The following LAMA3 variants were observed in gnomAD, a reference collection of about 807,000 sequenced individuals.
The protein encoded by LAMA3 is laminin subunit alpha 3.
Under a neutral mutation model 402.0 loss-of-function variants are expected in LAMA3, and 281 were observed. That is an observed-to-expected ratio of 0.70 (90% CI 0.63 to 0.77). LAMA3 has a LOEUF of 0.77. Ranked by LOEUF, LAMA3 falls within the 30% of genes least tolerant of loss-of-function variation. The pLI is 0.00. For synonymous variants in LAMA3, 1,431 were observed against 1,558.4 expected, an observed-to-expected ratio of 0.92 and a Z score of 1.93; for missense variants, 3,840 against 4,215.5, an observed-to-expected ratio of 0.91 and a Z score of 2.47.
chr18:23,900,105 C>G (rs761887982), intron 47 of LAMA3, among the ~76,000 whole-genome samples: 3 of 152,008 alleles, frequency 2.0e-5, no homozygotes, highest in African/African-American at 4.8e-5. Context: ...GAGTCTCACT[C>G]CATTACTCAG....
chr18:23,943,134 T>A (rs1388416048), intron 68 of LAMA3, among the ~76,000 whole-genome samples: 1 of 152,228 alleles, frequency 6.6e-6, no homozygotes, highest in East Asian at 1.9e-4. Flanking sequence ...CAAAACAGAA[T>A]GCATATTCAT....
At chr18:23,917,242 T>G (rs1217403657) in intron 60 of LAMA3, among the ~76,000 whole-genome samples, 1 of 152,244 alleles carries the variant, frequency 6.6e-6, no homozygotes, top group African/African-American at 2.4e-5. Context: ...GGTGTATATG[T>G]ACCTCATTTT....
At chr18:23,763,625 AAG>A in intron 8 of LAMA3, 102 bp downstream of exon 8, 1 of 813,012 alleles carries the variant, frequency 1.2e-6, no homozygotes, top group Non-Finnish European at 2.2e-6. Context: ...AGGCAATCGT[AAG>A]AGTTTTCTGA....
chr18:23,745,017 G>A (rs948338381), intron 2 of LAMA3, among the ~76,000 whole-genome samples: 1 of 151,994 alleles, frequency 6.6e-6, no homozygotes, highest in African/African-American at 2.4e-5. Flanking sequence ...TATGGACAAT[G>A]TATTAAATAC....
chr18:23,743,653 C>G (rs1201837901), intron 2 of LAMA3, among the ~76,000 whole-genome samples: 1 of 152,188 alleles, frequency 6.6e-6, no homozygotes, highest in African/African-American at 2.4e-5. Flanking sequence ...GTTGAAGTGC[C>G]TCACACTCCC....
intron 1 of LAMA3, among the ~76,000 whole-genome samples, chr18:23,695,000 C>T (rs549040498): frequency 6.6e-6 from 1 of 152,100 alleles, no homozygotes; most frequent in African/African-American, 2.4e-5. Flanking sequence ...AGAGCAACAC[C>T]CTGATGGAAT....
In LAMA3 at chr18:23,689,773, A is replaced by G; in HGVS notation, c.90A>G (p.Pro30=). 1 of 1,529,242 alleles carries G rather than the reference A, an allele frequency of 6.5e-7. No homozygotes were observed. Among genetic ancestry groups the G allele is most frequent in the Non-Finnish European group, 8.8e-7 (1 of 1,139,882 alleles). The allele number at this position is 1,529,242 out of a possible 1,614,324, so 94.7% of individuals were successfully genotyped here. Residue 30 remains proline, a synonymous_variant, in exon 1 of 75, where the codon CCA becomes CCG. Coordinates refer to ENST00000313654, the MANE Select transcript of LAMA3 (RefSeq NM_198129.4). ...TCCTGCTGGTACTGCGGGTGCTGCC[A>G]GCCTGCGGGGCGACCGCTCGGGATC... The part of the protein sequence containing the change: ...PLLLLVLRVL[P]ACGATARDPG...
intron 11 of LAMA3, among the ~76,000 whole-genome samples, chr18:23,780,012 G>A (rs2062403744): frequency 6.6e-6 from 1 of 152,180 alleles, no homozygotes; most frequent in East Asian, 1.9e-4. Flanking sequence ...AGACCTGCCC[G>A]CTAAGACTCA....
At chr18:23,844,105 T>C (rs139732504) in intron 29 of LAMA3, among the ~76,000 whole-genome samples, 6 of 152,368 alleles carry the variant, frequency 3.9e-5, no homozygotes, top group Non-Finnish European at 7.4e-5. Context: ...GCATCCCTTG[T>C]GCCTGGAATA....
chr18:23,775,255 G>A (rs1379186476), intron 9 of LAMA3, among the ~76,000 whole-genome samples: 6 of 152,164 alleles, frequency 3.9e-5, no homozygotes, highest in African/African-American at 9.7e-5. Flanking sequence ...CCCGATAATC[G>A]TTTTTGGTTG....
rs1455281005 is a variant in LAMA3, at chr18:23,826,837, G to A, written c.2669+38G>A. On this transcript the variant is annotated intron_variant, in intron 22 of 74. Coordinates refer to ENST00000313654, the MANE Select transcript of LAMA3 (RefSeq NM_198129.4). ...CAGAAGGTGCAGCCGCATCATTGGG[G>A]TCCTCTAAATTAGGAGCCTTTAATG... The A allele has an allele frequency of 6.9e-6, 9 of 1,303,518 alleles. No homozygotes were observed. The Admixed American group carries it at 1.6e-4, about 23-fold the overall frequency. The allele number at this position is 1,303,518 out of a possible 1,614,324, so 80.7% of individuals were successfully genotyped here. A position where few individuals can be genotyped will look rare whatever the true frequency, so the allele number is the denominator to read the frequency against.
Position 23,920,948 on chromosome 18 carries a change from C to A in LAMA3, c.7937C>A (p.Ser2646Tyr). The change falls in exon 61 of 75, where the codon TCT (serine) becomes TAT (tyrosine). Residue 2646 changes from serine to tyrosine, a missense_variant. Transcript: ENST00000313654. ...CCTCTGTCCTAGGATCGCTTCATAT[C>A]TCTAAATATAGAAGATGGCAAGCTC... ...FFAENGDRFI[S>Y]LNIEDGKLMV... The A allele has an allele frequency of 6.2e-7, 1 of 1,613,992 alleles. No homozygotes were observed. The highest frequency in any genetic ancestry group is 8.5e-7 in the Non-Finnish European group (1 of 1,179,988).
Position 23,929,998 on chromosome 18 carries a change from G to A in LAMA3, c.8437-1064G>A, listed in dbSNP as rs537281636. On this transcript the variant is annotated intron_variant, in intron 64 of 74. Transcript: ENST00000313654. ...GTTAGCTAAAGATACATATAAGTTAGCATTAGTTTATGCAATTCATAATGA... is the reference window on the plus strand; with the variant it reads ...GTTAGCTAAAGATACATATAAGTTAACATTAGTTTATGCAATTCATAATGA... 2.0e-5 allele frequency among the ~76,000 whole-genome samples: 3 copies of A among 152,198 alleles called. No individual in the cohort carries two copies. In the South Asian group the frequency reaches 6.2e-4, roughly 32 times the overall value.
intron 2 of LAMA3, among the ~76,000 whole-genome samples, chr18:23,731,172 A>C (rs1457429524): frequency 6.6e-6 from 1 of 152,136 alleles, no homozygotes; most frequent in African/African-American, 2.4e-5. Context: ...AGACCTCATG[A>C]GCTATTGTAC....
intron 19 of LAMA3, among the ~76,000 whole-genome samples, chr18:23,821,214 G>A (rs1222360105): frequency 6.6e-6 from 1 of 152,180 alleles, no homozygotes; most frequent in African/African-American, 2.4e-5. Flanking sequence ...GGACCTTGAT[G>A]GTGTCCCCAG....
chr18:23,950,798 T>C (rs1056836134), intron 72 of LAMA3, among the ~76,000 whole-genome samples: 8 of 152,212 alleles, frequency 5.3e-5, no homozygotes, highest in Non-Finnish European at 1.0e-4. Flanking sequence ...ATACTTTCTA[T>C]TGTAGTCTTT....
At position 23,689,941 on chromosome 18, in the gene LAMA3, G is replaced by C. The variant is rs1322372503; in HGVS notation, c.258G>C (p.Gly86=). 8 of 1,523,380 alleles carry C rather than the reference G, an allele frequency of 5.3e-6. No individual in the cohort carries two copies. Among genetic ancestry groups the C allele is most frequent in the Non-Finnish European group, 6.2e-6 (7 of 1,135,124 alleles). 94.4% of individuals were successfully genotyped at this position (1,523,380 alleles called of 1,614,324 possible). A position where few individuals can be genotyped will look rare whatever the true frequency, so the allele number is the denominator to read the frequency against. The stretch of plus-strand genomic sequence containing the variant: ...CCGAGCTCTACTGCAAGTTGGTCGG[G>C]GGCCCCACCGCCCCAGGCAGCGGCC... ...PQPELYCKLV[G]GPTAPGSGHT... Residue 86 remains glycine (G), a synonymous_variant, in exon 1 of 75, where the codon GGG becomes GGC. Transcript: ENST00000313654.
At position 23,861,699 on chromosome 18, in the gene LAMA3, T is replaced by G; in HGVS notation, c.4476T>G (p.Pro1492=). The change falls in exon 35 of 75, where the codon CCT becomes CCG. Residue 1492 remains proline, a synonymous_variant. Coordinates refer to ENST00000313654, the MANE Select transcript of LAMA3 (RefSeq NM_198129.4). ...AGACAGCAGACAGAGTGGACATCCCTGTCTCTTTCAACCCAGGCAGCAACA... is the reference window on the plus strand; with the variant it reads ...AGACAGCAGACAGAGTGGACATCCCGGTCTCTTTCAACCCAGGCAGCAACA... ...HLETADRVDI[P]VSFNPGSNSM... 2 of 1,614,202 alleles carry G rather than the reference T, an allele frequency of 1.2e-6. No individual in the cohort carries two copies. Among genetic ancestry groups the G allele is most frequent in the African/African-American group, 1.3e-5 (1 of 75,052 alleles).
intron 2 of LAMA3, among the ~76,000 whole-genome samples, chr18:23,739,707 G>A (rs191642121): frequency 3.3e-5 from 5 of 152,170 alleles, no homozygotes; most frequent in Admixed American, 6.5e-5. Flanking sequence ...GTTATGGAGG[G>A]TATGAACTTA....
Sources: allele counts gnomAD v4.1 joint callset (sites outside exome capture counted in the v4.1 genomes callset), GRCh38; gene constraint gnomAD v4.1.1; transcripts MANE v1.5; gene names NCBI Gene and HGNC (gene_info 2026-07-23, HGNC 2026-07-21).